The following ZBTB7C variants were observed in gnomAD, a reference collection of about 807,000 sequenced individuals.
The protein encoded by ZBTB7C is zinc finger and BTB domain-containing protein 7C.
In ZBTB7C, 8 loss-of-function variants were observed where a neutral mutation model predicts 25.7. That is an observed-to-expected ratio of 0.31 (90% CI 0.18 to 0.56). ZBTB7C has a LOEUF of 0.56. ZBTB7C is among the 20% of genes least tolerant of loss of function. ZBTB7C has a pLI of 0.91. For missense variants in ZBTB7C, 824 were observed against 855.2 expected, an observed-to-expected ratio of 0.96 and a Z score of 0.46; for synonymous variants, 394 against 369.0, an observed-to-expected ratio of 1.07 and a Z score of -0.78.
At chr18:48,409,699 C>A (rs2048360889), upstream of ZBTB7C, among the ~76,000 whole-genome samples, 1 of 151,968 alleles carries the variant, frequency 6.6e-6, no homozygotes, top group Non-Finnish European at 1.5e-5. Flanking sequence ...CCGGGACTGG[C>A]GGAGGCTGCG....
At chr18:48,338,537 T>G (rs2046508582) in intron 1 of ZBTB7C, 139 bp from the exon 2 acceptor site, 1 of 152,276 alleles carries the variant, frequency 6.6e-6, no homozygotes, top group Non-Finnish European at 1.5e-5. Flanking sequence ...CTATACCAAC[T>G]CGATCTCATC....
chr18:48,105,066 C>T (rs1258528616), intron 3 of ZBTB7C, among the ~76,000 whole-genome samples: 1 of 152,340 alleles, frequency 6.6e-6, no homozygotes, highest in Middle Eastern at 3.4e-3. Flanking sequence ...TAGCTGCCCC[C>T]ACGGGGTTAA....
At chr18:48,349,882 T>C (rs1485468043) in intron 1 of ZBTB7C, among the ~76,000 whole-genome samples, 1 of 152,148 alleles carries the variant, frequency 6.6e-6, no homozygotes, top group African/African-American at 2.4e-5. Context: ...TACATTTTCT[T>C]CATTTTGTGG....
intron 2 of ZBTB7C, among the ~76,000 whole-genome samples, chr18:48,211,562 G>A (rs1486826545): frequency 2.0e-5 from 3 of 152,134 alleles, no homozygotes; most frequent in African/African-American, 7.2e-5. Flanking sequence ...TATGCAGATG[G>A]TAATTAAGCA....
At chr18:48,302,068 A>AG (rs913014028) in intron 2 of ZBTB7C, among the ~76,000 whole-genome samples, 4 of 152,112 alleles carry the variant, frequency 2.6e-5, no homozygotes, top group Non-Finnish European at 5.9e-5. Flanking sequence ...GCAAATTCTC[A>AG]GGGGGGTGTA....
intron 1 of ZBTB7C, among the ~76,000 whole-genome samples, chr18:48,367,220 CACACACACACACATACAT>C (rs2047252989): frequency 1.3e-5 from 1 of 74,278 alleles, no homozygotes; most frequent in African/African-American, 3.9e-5. Flanking sequence ...CACACACACA[CACACACACACACATACAT>C]ACACACACAC....
chr18:48,378,728 C>A (rs1273960558), intron 1 of ZBTB7C, among the ~76,000 whole-genome samples: 1 of 152,022 alleles, frequency 6.6e-6, no homozygotes, highest in Non-Finnish European at 1.5e-5. Context: ...CTCAGACAGA[C>A]AATATGCAAT....
chr18:48,307,709 G>A (rs138109638), intron 2 of ZBTB7C, among the ~76,000 whole-genome samples: 4,446 of 152,266 alleles, frequency 0.029, 100 homozygotes, highest in Non-Finnish European at 0.043. Context: ...TTAGCTGGGC[G>A]TGGTGGCAGG....
intron 3 of ZBTB7C, chr18:48,180,579 G>A: frequency 2.9e-6 from 1 of 346,822 alleles, no homozygotes; most frequent in South Asian, 2.2e-5. Flanking sequence ...AAGGGCCCAG[G>A]AGGGCTCTGT....
At chr18:48,349,347 T>A (rs1329532533) in intron 1 of ZBTB7C, among the ~76,000 whole-genome samples, 2 of 152,270 alleles carry the variant, frequency 1.3e-5, no homozygotes, top group African/African-American at 4.8e-5. Context: ...TGCATCTTTT[T>A]TTGATTAGTT....
chr18:48,394,450 C>T (rs757045436), intron 1 of ZBTB7C, among the ~76,000 whole-genome samples: 3 of 152,094 alleles, frequency 2.0e-5, no homozygotes, highest in Non-Finnish European at 2.9e-5. Context: ...GTGAGGGACC[C>T]GAACCAGGGA....
intron 2 of ZBTB7C, among the ~76,000 whole-genome samples, chr18:48,195,043 G>A (rs1215981086): frequency 6.6e-6 from 1 of 152,156 alleles, no homozygotes; most frequent in East Asian, 1.9e-4. Flanking sequence ...CAGAGAAGTA[G>A]GAGTGAGTTT....
rs978087414 is a variant in ZBTB7C at position 48,185,440 on chromosome 18, A to G, written c.-17+494T>C. 13 of 344,920 alleles carry G rather than the reference A, an allele frequency of 3.8e-5. No homozygotes were observed. In the East Asian group the frequency reaches 6.1e-4, roughly 16 times the overall value. The allele number at this position is 344,920 out of a possible 1,614,324, so 21.4% of individuals were successfully genotyped here. ...TTCTCGTGGATTTCCCAGAGCTTCCAGGTGCTGCCTGGCACCTGGTGATTA... is the reference window on the plus strand; with the variant it reads ...TTCTCGTGGATTTCCCAGAGCTTCCGGGTGCTGCCTGGCACCTGGTGATTA... On this transcript the variant is annotated intron_variant, in intron 3 of 4. Transcript: ENST00000590800.
chr18:48,109,634 G>A (rs1484674505), intron 3 of ZBTB7C, among the ~76,000 whole-genome samples: 3 of 152,136 alleles, frequency 2.0e-5, no homozygotes, highest in Non-Finnish European at 4.4e-5. Flanking sequence ...AACAGTGCAT[G>A]CGTGGTAAGA....
At chr18:48,097,465 C>T (rs998524571) in intron 3 of ZBTB7C, among the ~76,000 whole-genome samples, 3 of 151,922 alleles carry the variant, frequency 2.0e-5, no homozygotes, top group African/African-American at 4.8e-5. Context: ...GGCGCGATCT[C>T]GGTTCACTGC....
At chr18:48,218,339 C>T (rs980703532) in intron 2 of ZBTB7C, among the ~76,000 whole-genome samples, 2 of 152,214 alleles carry the variant, frequency 1.3e-5, no homozygotes, top group Admixed American at 6.5e-5. Context: ...AGGCTGGTCA[C>T]CCTGCTCTCT....
chr18:48,281,147 T>A (rs1418458646), intron 2 of ZBTB7C, among the ~76,000 whole-genome samples: 5 of 152,008 alleles, frequency 3.3e-5, no homozygotes, highest in Non-Finnish European at 7.4e-5. Context: ...AGCCACCATG[T>A]CTGGCTGTAA....
At chr18:48,061,004 G>C (rs1317292289) in intron 3 of ZBTB7C, among the ~76,000 whole-genome samples, 3 of 152,162 alleles carry the variant, frequency 2.0e-5, no homozygotes, top group African/African-American at 7.2e-5. Flanking sequence ...TGGAGTGCTG[G>C]GGCTGGGGTG....
At chr18:48,294,386 T>A (rs973718665) in intron 2 of ZBTB7C, among the ~76,000 whole-genome samples, 1 of 120,232 alleles carries the variant, frequency 8.3e-6, no homozygotes, top group African/African-American at 2.7e-5. Flanking sequence ...CTAGGTGAGT[T>A]TTTTTCTGTT....
Sources: allele counts gnomAD v4.1 joint callset (sites outside exome capture counted in the v4.1 genomes callset), GRCh38; gene constraint gnomAD v4.1.1; transcripts MANE v1.5; gene names NCBI Gene and HGNC (gene_info 2026-07-23, HGNC 2026-07-21).